The following EPHA5 variants were observed in gnomAD, a reference collection of about 807,000 sequenced individuals.
The protein encoded by EPHA5 is EPH receptor A5, also known as ephrin type-A receptor 5.
In EPHA5, 60 loss-of-function variants were observed where a neutral mutation model predicts 105.0. The ratio of observed to expected loss-of-function variants is 0.57; its 90% confidence interval spans 0.46 to 0.71. The LOEUF (loss-of-function observed/expected upper bound fraction) is 0.71, where lower values mean the gene tolerates loss of function less well. Among genes scored for constraint, EPHA5 ranks in the 30% least tolerant of loss-of-function variants. The pLI, the probability that EPHA5 is intolerant of heterozygous loss-of-function variation, is 0.00. For synonymous variants in EPHA5, 513 were observed against 449.1 expected (o/e 1.14, Z -1.80); for missense variants, 1,218 against 1,274.7 (o/e 0.96, Z 0.68).
chr4:65,401,961 T>C (rs7687934), intron 8 of EPHA5, among the ~76,000 whole-genome samples: 121,471 of 151,760 alleles, frequency 0.8, 49,014 homozygotes, highest in South Asian at 0.92. Context: ...TGGTTAGGCT[T>C]TGTGTCCCCA....
chr4:65,598,889 C>A (rs1743436237), intron 3 of EPHA5, among the ~76,000 whole-genome samples: 1 of 151,940 alleles, frequency 6.6e-6, no homozygotes, highest in Non-Finnish European at 1.5e-5. Flanking sequence ...ATAACTGGAG[C>A]AAAACCATGC....
intron 14 of EPHA5, 30 bp downstream of exon 14, chr4:65,348,024 C>G (rs1351395317): frequency 6.5e-7 from 1 of 1,530,784 alleles, no homozygotes; most frequent in Admixed American, 2.2e-5. Flanking sequence ...ATTTCATTGT[C>G]AAGTTGGGAA....
At chr4:65,576,295 T>C (rs979805611) in intron 3 of EPHA5, among the ~76,000 whole-genome samples, 2 of 152,156 alleles carry the variant, frequency 1.3e-5, no homozygotes, top group Non-Finnish European at 2.9e-5. Context: ...TCTGCATCCA[T>C]GTGGAGAAAA....
At chr4:65,404,682 T>G (rs1233655324) in intron 7 of EPHA5, among the ~76,000 whole-genome samples, 1 of 152,216 alleles carries the variant, frequency 6.6e-6, no homozygotes, top group Non-Finnish European at 1.5e-5. Context: ...AAATAGAGAT[T>G]TGAGAGCATC....
At chr4:65,449,314 A>T (rs1224613920) in intron 5 of EPHA5, among the ~76,000 whole-genome samples, 1 of 152,196 alleles carries the variant, frequency 6.6e-6, no homozygotes, top group Non-Finnish European at 1.5e-5. Flanking sequence ...AAAATATGAT[A>T]AAAGCAAGCA....
chr4:65,589,902 G>C (rs1217688760), intron 3 of EPHA5, among the ~76,000 whole-genome samples: 1 of 152,038 alleles, frequency 6.6e-6, no homozygotes, highest in East Asian at 1.9e-4. Flanking sequence ...CCCACAAAAT[G>C]GAAAATAAAA....
intron 8 of EPHA5, among the ~76,000 whole-genome samples, chr4:65,391,687 CA>C (rs1441921024): frequency 2.0e-5 from 3 of 152,040 alleles, no homozygotes; most frequent in Non-Finnish European, 4.4e-5. Flanking sequence ...GGTCTTCTGC[CA>C]GAGCCCAGCG....
At chr4:65,444,227 G>T (rs904130324) in intron 5 of EPHA5, among the ~76,000 whole-genome samples, 2 of 152,052 alleles carry the variant, frequency 1.3e-5, no homozygotes, top group East Asian at 3.9e-4. Context: ...TCACTTACCC[G>T]TGCTGAAGAT....
chr4:65,405,323 A>G (rs555365409), intron 7 of EPHA5, among the ~76,000 whole-genome samples: 2 of 152,334 alleles, frequency 1.3e-5, no homozygotes, highest in East Asian at 3.9e-4. Context: ...GTTCATGAGA[A>G]TCTCTCCATA....
chr4:65,440,018 TAGAAATACTTC>T (rs1725861423), intron 5 of EPHA5, among the ~76,000 whole-genome samples: 1 of 152,116 alleles, frequency 6.6e-6, no homozygotes, highest in Non-Finnish European at 1.5e-5. Context: ...AGAAAATAAA[TAGAAATACTTC>T]AGAAATACTT....
intron 5 of EPHA5, among the ~76,000 whole-genome samples, chr4:65,463,451 G>T (rs555414067): frequency 9.9e-5 from 15 of 152,236 alleles, no homozygotes; most frequent in African/African-American, 3.6e-4. Context: ...TTATGAGAAA[G>T]ATCACTACTG....
chr4:65,478,274 T>C (rs1730024659), intron 5 of EPHA5, among the ~76,000 whole-genome samples: 1 of 152,176 alleles, frequency 6.6e-6, no homozygotes, highest in Admixed American at 6.5e-5. Flanking sequence ...ATTCATGACA[T>C]GTAATGAAAC....
intron 6 of EPHA5, among the ~76,000 whole-genome samples, chr4:65,416,013 T>C (rs1056033759): frequency 1.3e-5 from 2 of 152,064 alleles, no homozygotes; most frequent in South Asian, 2.1e-4. Flanking sequence ...TATTTTCCCA[T>C]ATTGTTTAAA....
chr4:65,336,723 C>T (rs1282291516), intron 14 of EPHA5, among the ~76,000 whole-genome samples: 9 of 152,014 alleles, frequency 5.9e-5, no homozygotes, highest in Admixed American at 5.3e-4. Flanking sequence ...TCTAGTAGCA[C>T]AAGAATTATA....
Position 65,669,643 on chromosome 4 carries a change from C to A in EPHA5, c.100G>T (p.Ala34Ser), listed in dbSNP as rs758755197. The A allele has an allele frequency of 7.1e-7, 1 of 1,400,060 alleles. No homozygotes were observed. The highest frequency in any genetic ancestry group is 9.3e-7 in the Non-Finnish European group (1 of 1,071,776). 86.7% of individuals were successfully genotyped at this position (1,400,060 alleles called of 1,614,324 possible). ...TPASLAGCYS[A>S]PRRAPLWTCL... is the part of the protein sequence containing the mutation. ...GTCCAGAGGGGAGCCCGTCGAGGTG[C>A]AGAGTAGCAGCCGGCCAGGGACGCT... The change falls in exon 1 of 17, where the codon GCA becomes TCA. Residue 34 changes from alanine (A) to serine (S), a missense_variant. This residue lies in a region of EPHA5 where 233 missense variants were observed against 227.5 expected (regional missense o/e 1.02). Transcript: ENST00000613740.
At chr4:65,384,028 C>T (rs1229951500) in intron 8 of EPHA5, among the ~76,000 whole-genome samples, 1 of 151,686 alleles carries the variant, frequency 6.6e-6, no homozygotes. Flanking sequence ...TTTCAAAAAT[C>T]GGTTTGTATA....
chr4:65,386,944 C>A (rs748758046), intron 8 of EPHA5, among the ~76,000 whole-genome samples: 7 of 151,442 alleles, frequency 4.6e-5, no homozygotes, highest in Admixed American at 6.6e-5. Context: ...AAATTTGTAA[C>A]CTGCAATATA....
chr4:65,514,677 T>C (rs889920000), intron 3 of EPHA5, among the ~76,000 whole-genome samples: 1 of 152,204 alleles, frequency 6.6e-6, no homozygotes, highest in Non-Finnish European at 1.5e-5. Context: ...TTTTTAAAGG[T>C]TTGTTATACA....
intron 5 of EPHA5, among the ~76,000 whole-genome samples, chr4:65,438,259 G>A (rs1725673206): frequency 6.6e-6 from 1 of 151,812 alleles, no homozygotes; most frequent in African/African-American, 2.4e-5. Context: ...TTCAATTGAA[G>A]CCAAGATTAT....
Sources: allele counts gnomAD v4.1 joint callset (sites outside exome capture counted in the v4.1 genomes callset), GRCh38; gene constraint gnomAD v4.1.1; regional missense constraint gnomAD v4.1.1; transcripts MANE v1.5; gene names NCBI Gene and HGNC (gene_info 2026-07-23, HGNC 2026-07-21).